FHAD1: variants seen among roughly 807,000 people sequenced by gnomAD.
FHAD1 encodes the protein forkhead associated phosphopeptide binding domain 1.
In FHAD1, 146 loss-of-function variants were observed where a neutral mutation model predicts 191.3. That is an observed-to-expected ratio of 0.76 (90% CI 0.67 to 0.88). The LOEUF (loss-of-function observed/expected upper bound fraction) is 0.88. FHAD1 is among the 40% of genes least tolerant of loss of function. FHAD1 has a pLI of 0.00. For missense variants in FHAD1, 1,635 were observed against 1,785.8 expected (o/e 0.92, Z 1.52); for synonymous variants, 616 against 672.3 (o/e 0.92, Z 1.29).
At chr1:15,366,097 C>A (rs1234023168) in intron 24 of FHAD1, among the ~76,000 whole-genome samples, 164 bp downstream of exon 24, 1 of 151,878 alleles carries the variant, frequency 6.6e-6, no homozygotes, top group Non-Finnish European at 1.5e-5. Context: ...ACCAGCCTGG[C>A]CAATATGGTG....
intron 23 of FHAD1, among the ~76,000 whole-genome samples, chr1:15,363,422 A>G (rs1165463133): frequency 1.3e-5 from 2 of 152,196 alleles, no homozygotes; most frequent in East Asian, 1.9e-4. Context: ...TGAACATTCA[A>G]ACATAGCAGA....
At chr1:15,377,019 C>T (rs1480477672) in intron 28 of FHAD1, among the ~76,000 whole-genome samples, 1 of 152,138 alleles carries the variant, frequency 6.6e-6, no homozygotes, top group African/African-American at 2.4e-5. Context: ...CCAGCAGGGA[C>T]AACAGGATTT....
intron 4 of FHAD1, among the ~76,000 whole-genome samples, chr1:15,294,490 T>C (rs551212168): frequency 6.6e-6 from 1 of 152,034 alleles, no homozygotes; most frequent in East Asian, 1.9e-4. Context: ...ACCTCCCGGG[T>C]TCAAGCGATT....
intron 20 of FHAD1, chr1:15,357,644 AAAAG>A (rs1163289743): frequency 2.0e-5 from 3 of 150,894 alleles, no homozygotes; most frequent in African/African-American, 7.5e-5. Context: ...AAAAAAAAAA[AAAAG>A]GAGAATGGGT....
chr1:15,320,887 T>A (rs1676023605), intron 10 of FHAD1, among the ~76,000 whole-genome samples: 1 of 152,192 alleles, frequency 6.6e-6, no homozygotes, highest in East Asian at 1.9e-4. Context: ...CCTATGTTCC[T>A]TTTTCTCCCC....
rs1195006579 is a variant in FHAD1 at position 15,289,545 on chromosome 1, C to T, written c.447C>T (p.Ser149=). 1 of 1,551,842 alleles carries T rather than the reference C, an allele frequency of 6.4e-7. No homozygotes were observed. The highest frequency in any genetic ancestry group is 8.7e-7 in the Non-Finnish European group (1 of 1,147,024). ...VQPAPMQRSW[S]QAFPRPTVVL... Reference sequence around the variant, plus strand: ...CAGCACCGATGCAAAGGAGCTGGTCCCAGGCCTTTCCCAGACCCACCGTGG... The same window carrying T: ...CAGCACCGATGCAAAGGAGCTGGTCTCAGGCCTTTCCCAGACCCACCGTGG... The change falls in exon 4 of 34, where the codon TCC becomes TCT. Residue 149 remains serine, a synonymous_variant. Coordinates refer to ENST00000688493, the MANE Select transcript of FHAD1 (RefSeq NM_001391957.1). This position sits in a 1 kb window ranked among gnomAD's most constrained non-coding sequence, Gnocchi z 4.2.
At position 15,253,445 on chromosome 1, in the gene FHAD1, A is replaced by T. The variant is rs573122669; in HGVS notation, c.93+1568A>T. 6.6e-5 allele frequency among the ~76,000 whole-genome samples: 10 copies of T among 152,298 alleles called. No individual in the cohort carries two copies. In the East Asian group the frequency reaches 1.9e-3, roughly 29 times the overall value. On this transcript the variant is annotated intron_variant, in intron 2 of 33. Coordinates refer to ENST00000688493, the MANE Select transcript of FHAD1 (RefSeq NM_001391957.1). ...ACTATGTGGTTTTTCAATCCATGAAAATGGTATGTTTCTGCGTTGATTTAG... is the reference window on the plus strand; with the variant it reads ...ACTATGTGGTTTTTCAATCCATGAATATGGTATGTTTCTGCGTTGATTTAG...
At position 15,289,686 on chromosome 1, in the gene FHAD1, T is replaced by C. The variant is rs1346095961; in HGVS notation, c.568+20T>C. 2.6e-6 allele frequency: 4 copies of C among 1,535,588 alleles called. No individual in the cohort carries two copies. The highest frequency in any genetic ancestry group is 8.8e-7 in the Non-Finnish European group (1 of 1,134,736). Reference sequence around the variant, plus strand: ...AGCAAGGTATGCGTCAGGGCTGCCATTGGTGGCTTGGGGGTGGTTCACGGC... The same window carrying C: ...AGCAAGGTATGCGTCAGGGCTGCCACTGGTGGCTTGGGGGTGGTTCACGGC... On this transcript the variant is annotated intron_variant, in intron 4 of 33. Coordinates refer to ENST00000688493, the MANE Select transcript of FHAD1 (RefSeq NM_001391957.1). The surrounding 1 kb of genome is among the most constrained non-coding windows in gnomAD (Gnocchi z 4.2).
At position 15,397,413 on chromosome 1, in the gene FHAD1, G is replaced by A. The variant is rs1489185980; in HGVS notation, c.4440G>A (p.Ter1480=). The change falls in exon 34 of 34, where the codon TAG becomes TAA. Residue 1480 remains the stop codon, a stop_retained_variant. Coordinates refer to ENST00000688493, the MANE Select transcript of FHAD1 (RefSeq NM_001391957.1). The part of the protein sequence containing the change: ...LLHSKPSGKY[*] ...ATTCTAAGCCCAGTGGAAAGTACTAGAGAAACCTCGTCCCACCAGGCCTCA... is the reference window on the plus strand; with the variant it reads ...ATTCTAAGCCCAGTGGAAAGTACTAAAGAAACCTCGTCCCACCAGGCCTCA... 6.7e-7 allele frequency: 1 copy of A among 1,488,474 alleles called. No homozygotes were observed. Among genetic ancestry groups the A allele is most frequent in the Non-Finnish European group, 9.1e-7 (1 of 1,099,048 alleles). 92.2% of individuals were successfully genotyped at this position (1,488,474 alleles called of 1,614,324 possible).
chr1:15,381,879 C>CA lies in FHAD1; in HGVS notation c.4023-146dup. The CA allele has an allele frequency of 1.2e-6, 1 of 846,996 alleles. No individual in the cohort carries two copies. Among genetic ancestry groups the CA allele is most frequent in the Non-Finnish European group, 1.8e-6 (1 of 545,462 alleles). 52.5% of individuals were successfully genotyped at this position (846,996 alleles called of 1,614,324 possible). ...ATGGCTCGTTCTGCTCTCTGTACCC[C>CA]AAATCTTCGTCATGCTCTCCTGCTT... On this transcript the variant is annotated intron_variant, in intron 30 of 33. Transcript: ENST00000688493. This position sits in a 1 kb window ranked among gnomAD's most constrained non-coding sequence, Gnocchi z 4.6.
In FHAD1 at chr1:15,374,439, T is replaced by C. The variant is rs947476301; in HGVS notation, c.3448-63T>C. The stretch of plus-strand genomic sequence containing the variant: ...TCTATACATGAATTGTTCACATTTC[T>C]GTGAATGTAAGAGAAATCTTCTAAT... On this transcript the variant is annotated intron_variant, in intron 26 of 33. Transcript: ENST00000688493. 3 of 1,541,948 alleles carry C rather than the reference T, an allele frequency of 1.9e-6. No homozygotes were observed. The Admixed American group carries it at 6.0e-5, about 31-fold the overall frequency.
intron 19 of FHAD1, among the ~76,000 whole-genome samples, chr1:15,351,737 G>C (rs1381607116): frequency 6.6e-6 from 1 of 152,094 alleles, no homozygotes; most frequent in African/African-American, 2.4e-5. Flanking sequence ...AGGACAGGCA[G>C]GACTTAGCTC....
At chr1:15,387,053 G>A (rs1230487874) in intron 31 of FHAD1, among the ~76,000 whole-genome samples, 2 of 151,720 alleles carry the variant, frequency 1.3e-5, no homozygotes, top group Non-Finnish European at 2.9e-5. Context: ...TTTTAGTAGA[G>A]AGTAATCTTT....
At chr1:15,245,384 G>T (rs1351265990), upstream of FHAD1, among the ~76,000 whole-genome samples, 2 of 151,348 alleles carry the variant, frequency 1.3e-5, no homozygotes, top group Non-Finnish European at 3.0e-5. Flanking sequence ...GTTTTTATTT[G>T]CTCTTTTTTG....
At chr1:15,245,685 G>C (rs1335018797), upstream of FHAD1, among the ~76,000 whole-genome samples, 1 of 152,196 alleles carries the variant, frequency 6.6e-6, no homozygotes, top group African/African-American at 2.4e-5. Context: ...GATCCAGGCA[G>C]AACCTTCCAG....
intron 6 of FHAD1, among the ~76,000 whole-genome samples, chr1:15,302,165 C>T (rs1186225918): frequency 6.6e-6 from 1 of 152,186 alleles, no homozygotes; most frequent in Non-Finnish European, 1.5e-5. Context: ...TCCTATTTCC[C>T]CACAATGCTG....
chr1:15,366,010 G>A (rs1284155786), intron 24 of FHAD1, 77 bp downstream of exon 24: 31 of 1,032,938 alleles, frequency 3.0e-5, no homozygotes, highest in Non-Finnish European at 3.9e-5. Context: ...AGAGTCGGCC[G>A]GGCGCAGTGG....
intron 3 of FHAD1, among the ~76,000 whole-genome samples, chr1:15,285,000 T>G (rs1661936276): frequency 6.6e-6 from 1 of 152,206 alleles, no homozygotes; most frequent in African/African-American, 2.4e-5. Flanking sequence ...AAGCCAGACT[T>G]GTTGATAACT....
chr1:15,290,946 C>T (rs1467635434), intron 4 of FHAD1, among the ~76,000 whole-genome samples: 1 of 152,030 alleles, frequency 6.6e-6, no homozygotes, highest in Non-Finnish European at 1.5e-5. Context: ...GATCTCCTGA[C>T]CTTGTGATCC....
Sources: allele counts gnomAD v4.1 joint callset (sites outside exome capture counted in the v4.1 genomes callset), GRCh38; gene constraint gnomAD v4.1.1; non-coding constraint Gnocchi (gnomAD v3.1); transcripts MANE v1.5; gene names NCBI Gene and HGNC (gene_info 2026-07-23, HGNC 2026-07-21).